ZSWIM6: variants seen among roughly 807,000 people sequenced by gnomAD.
The protein encoded by ZSWIM6 is zinc finger SWIM domain-containing protein 6.
ZSWIM6 carries 9 observed loss-of-function variants against 113.2 expected under a neutral mutation model. The ratio of observed to expected loss-of-function variants is 0.08; its 90% CI spans 0.05 to 0.14. ZSWIM6 has a LOEUF of 0.14. Among genes scored for constraint, ZSWIM6 ranks in the 10% least tolerant of loss-of-function variants. The pLI, the probability that ZSWIM6 is intolerant of heterozygous loss-of-function variation, is 1.00. For missense variants in ZSWIM6, 1,162 were observed against 1,552.2 expected (o/e 0.75, Z 4.22); for synonymous variants, 611 against 606.5 (o/e 1.01, Z -0.11).
In ZSWIM6 at chr5:61,543,538, G is replaced by A. The variant is rs771158020; in HGVS notation, c.2869G>A (p.Val957Met). ...GGCCACAAGTATAGTTGCAACTACC[G>A]TGATGTCCAACAGCACCATCGTCCG... ...TEATSIVATT[V>M]MSNSTIVRLH... is the part of the protein sequence containing the mutation. Residue 957 changes from valine (V) to methionine (M), a missense_variant, in exon 14 of 14, where the codon GTG (valine) becomes ATG (methionine). Val to Met is a conservative substitution (Grantham distance 21, BLOSUM62 1). Transcript: ENST00000252744. The surrounding 1 kb of genome is among the most constrained non-coding windows in gnomAD (Gnocchi z 4.3). 1.2e-5 allele frequency: 18 copies of A among 1,550,902 alleles called. No individual in the cohort carries two copies. The highest frequency in any genetic ancestry group is 7.3e-5 in the East Asian group (3 of 40,862).
intron 1 of ZSWIM6, among the ~76,000 whole-genome samples, chr5:61,468,076 T>C (rs1432848470): frequency 6.6e-6 from 1 of 152,246 alleles, no homozygotes; most frequent in Non-Finnish European, 1.5e-5. Flanking sequence ...GCTTTACATA[T>C]GTTATTTCAT....
At chr5:61,389,331 G>T (rs558509659) in intron 1 of ZSWIM6, among the ~76,000 whole-genome samples, 1 of 151,906 alleles carries the variant, frequency 6.6e-6, no homozygotes, top group Non-Finnish European at 1.5e-5. Flanking sequence ...TGAGGCAGGC[G>T]GATCACGAGG....
chr5:61,334,868 T>C (rs1744358914), intron 1 of ZSWIM6, among the ~76,000 whole-genome samples: 1 of 152,104 alleles, frequency 6.6e-6, no homozygotes, highest in Non-Finnish European at 1.5e-5. Flanking sequence ...TGCGAATTTT[T>C]ATGGCTTGGC....
intron 1 of ZSWIM6, among the ~76,000 whole-genome samples, chr5:61,470,117 G>A (rs1308578318): frequency 6.6e-6 from 1 of 152,178 alleles, no homozygotes; most frequent in Non-Finnish European, 1.5e-5. Flanking sequence ...CCTGTAATTA[G>A]AATAGTTCTC....
At chr5:61,337,303 A>C (rs954208650) in intron 1 of ZSWIM6, among the ~76,000 whole-genome samples, 42 of 152,150 alleles carry the variant, frequency 2.8e-4, no homozygotes, top group African/African-American at 9.9e-4. Context: ...ACAAAAACAA[A>C]AAAAACGAGA....
chr5:61,369,472 T>C (rs1006159886), intron 1 of ZSWIM6, among the ~76,000 whole-genome samples: 2 of 152,232 alleles, frequency 1.3e-5, no homozygotes, highest in Non-Finnish European at 2.9e-5. Context: ...ATGTATACTT[T>C]ATGGTTGGCT....
At chr5:61,412,305 C>T (rs1746163746) in intron 1 of ZSWIM6, among the ~76,000 whole-genome samples, 2 of 152,172 alleles carry the variant, frequency 1.3e-5, no homozygotes, top group South Asian at 2.1e-4. Context: ...GATCTGGCAT[C>T]GTTTGCTGGG....
At chr5:61,396,391 G>T (rs938314390) in intron 1 of ZSWIM6, among the ~76,000 whole-genome samples, 1 of 152,022 alleles carries the variant, frequency 6.6e-6, no homozygotes, top group Non-Finnish European at 1.5e-5. Context: ...AATTAGCTGG[G>T]TATGGTGGCG....
In ZSWIM6 at chr5:61,387,785, C is replaced by T. The variant is rs545097354; in HGVS notation, c.676+54837C>T. On this transcript the variant is annotated intron_variant, in intron 1 of 13. Transcript: ENST00000252744. Reference sequence around the variant, plus strand: ...AATTAGCTGGGCATGGTGGCGCATCCCTGTAATCCCAGCTACTCGGGAGGT... The same window carrying T: ...AATTAGCTGGGCATGGTGGCGCATCTCTGTAATCCCAGCTACTCGGGAGGT... Among the ~76,000 whole-genome samples, 290 of 151,564 alleles carry T rather than the reference C, an allele frequency of 1.9e-3. 1 individual carries two copies. Among genetic ancestry groups the T allele is most frequent in the African/African-American group, 6.4e-3 (267 of 41,404 alleles).
At chr5:61,482,921 C>T (rs761520834) in intron 2 of ZSWIM6, among the ~76,000 whole-genome samples, 5 of 150,918 alleles carry the variant, frequency 3.3e-5, no homozygotes, top group Non-Finnish European at 5.9e-5. Flanking sequence ...TTTTTTTCTC[C>T]AGTGCATTTC....
intron 1 of ZSWIM6, among the ~76,000 whole-genome samples, chr5:61,437,873 T>G (rs1746743165): frequency 6.6e-6 from 1 of 152,140 alleles, no homozygotes; most frequent in Non-Finnish European, 1.5e-5. Flanking sequence ...TTACTAACTA[T>G]AGTAAAGCAG....
chr5:61,542,661 A>G (rs1184392961), intron 13 of ZSWIM6, among the ~76,000 whole-genome samples: 1 of 152,196 alleles, frequency 6.6e-6, no homozygotes, highest in Non-Finnish European at 1.5e-5. Flanking sequence ...TCTTTCACTA[A>G]CGTATAATGG....
chr5:61,433,756 T>A (rs1023145369), intron 1 of ZSWIM6, among the ~76,000 whole-genome samples: 2 of 152,062 alleles, frequency 1.3e-5, no homozygotes, highest in African/African-American at 2.4e-5. Flanking sequence ...ATTACAGGCG[T>A]GAGCCACCGT....
chr5:61,388,679 G>A (rs143914124), intron 1 of ZSWIM6, among the ~76,000 whole-genome samples: 5 of 152,326 alleles, frequency 3.3e-5, no homozygotes, highest in Non-Finnish European at 7.4e-5. Flanking sequence ...AAATGGCAGA[G>A]CTAGTATTTG....
At chr5:61,380,825 G>A (rs1031056045) in intron 1 of ZSWIM6, among the ~76,000 whole-genome samples, 5 of 152,146 alleles carry the variant, frequency 3.3e-5, no homozygotes, top group African/African-American at 1.2e-4. Context: ...TATGGGCCGG[G>A]CGAGGTGGCT....
intron 1 of ZSWIM6, among the ~76,000 whole-genome samples, chr5:61,379,263 C>T (rs1745431807): frequency 6.7e-6 from 1 of 148,290 alleles, no homozygotes; most frequent in African/African-American, 2.5e-5. Context: ...AAGTCTGTAT[C>T]TTCAGTTTAT....
chr5:61,360,111 G>A (rs991402109), intron 1 of ZSWIM6, among the ~76,000 whole-genome samples: 9 of 152,208 alleles, frequency 5.9e-5, no homozygotes, highest in African/African-American at 1.9e-4. Flanking sequence ...TGCATAAAGT[G>A]CATGCCCTGC....
At chr5:61,398,595 C>T (rs925871513) in intron 1 of ZSWIM6, among the ~76,000 whole-genome samples, 1 of 152,172 alleles carries the variant, frequency 6.6e-6, no homozygotes, top group Admixed American at 6.5e-5. Context: ...GGGCAAGTAA[C>T]TTAATCTCTT....
In ZSWIM6 at chr5:61,432,729, A is replaced by G. The variant is rs375217604; in HGVS notation, c.677-39952A>G. 9.8e-5 allele frequency among the ~76,000 whole-genome samples: 15 copies of G among 152,344 alleles called. No homozygotes were observed. The East Asian group carries it at 2.3e-3, about 23-fold the overall frequency. Reference sequence around the variant, plus strand: ...AGTTTGTTCCAGATACTGTCTACTGACAGTGATCGTTCTTTTCTTGGTTAT... The same window carrying G: ...AGTTTGTTCCAGATACTGTCTACTGGCAGTGATCGTTCTTTTCTTGGTTAT... On this transcript the variant is annotated intron_variant, in intron 1 of 13. Coordinates refer to ENST00000252744, the MANE Select transcript of ZSWIM6 (RefSeq NM_020928.2).
Sources: allele counts gnomAD v4.1 joint callset (sites outside exome capture counted in the v4.1 genomes callset), GRCh38; gene constraint gnomAD v4.1.1; non-coding constraint Gnocchi (gnomAD v3.1); transcripts MANE v1.5; gene names NCBI Gene and HGNC (gene_info 2026-07-23, HGNC 2026-07-21).